FSTL5: variants seen among roughly 807,000 people sequenced by gnomAD.
The protein encoded by FSTL5 is follistatin-related protein 5.
FSTL5 carries 62 observed loss-of-function variants against 89.1 expected under a neutral mutation model. The ratio of observed to expected loss-of-function variants is 0.70; its 90% CI spans 0.57 to 0.86. FSTL5 has a LOEUF of 0.86. Among genes scored for constraint, FSTL5 ranks in the 40% least tolerant of loss-of-function variants. FSTL5 has a pLI of 0.00. For missense variants in FSTL5, 1,057 were observed against 1,001.6 expected, an observed-to-expected ratio of 1.06 and a Z score of -0.75; for synonymous variants, 383 against 346.2, an observed-to-expected ratio of 1.11 and a Z score of -1.18.
intron 2 of FSTL5, among the ~76,000 whole-genome samples, chr4:162,059,710 T>G (rs1241968117): frequency 6.6e-6 from 1 of 152,130 alleles, no homozygotes; most frequent in East Asian, 1.9e-4. Flanking sequence ...TAGCATAATC[T>G]ATAACTCATA....
At chr4:162,073,839 G>T (rs1235035265) in intron 2 of FSTL5, among the ~76,000 whole-genome samples, 1 of 151,676 alleles carries the variant, frequency 6.6e-6, no homozygotes, top group Admixed American at 6.6e-5. Context: ...GTTCACAGGT[G>T]ATTCCCACAG....
At chr4:161,434,165 G>C (rs1179664471) in intron 15 of FSTL5, among the ~76,000 whole-genome samples, 1 of 151,986 alleles carries the variant, frequency 6.6e-6, no homozygotes, top group Non-Finnish European at 1.5e-5. Context: ...CTACAGTGCT[G>C]TAGTAACCAA....
intron 2 of FSTL5, among the ~76,000 whole-genome samples, chr4:162,065,063 G>A (rs1245436875): frequency 6.6e-6 from 1 of 151,896 alleles, no homozygotes; most frequent in Admixed American, 6.6e-5. Flanking sequence ...GCAAAAGAAT[G>A]AAATTAGGCC....
intron 6 of FSTL5, among the ~76,000 whole-genome samples, chr4:161,709,246 T>C (rs892031540): frequency 7.2e-5 from 11 of 152,124 alleles, no homozygotes; most frequent in Non-Finnish European, 1.6e-4. Flanking sequence ...ACTTAACATA[T>C]ATCACATAAA....
intron 6 of FSTL5, among the ~76,000 whole-genome samples, chr4:161,658,262 G>A (rs956393598): frequency 1.3e-5 from 2 of 151,518 alleles, no homozygotes; most frequent in Non-Finnish European, 1.5e-5. Context: ...TGAGGAGTTC[G>A]AGCCTGGCCA....
intron 6 of FSTL5, among the ~76,000 whole-genome samples, chr4:161,733,262 TG>T (rs1739678742): frequency 6.6e-6 from 1 of 151,868 alleles, no homozygotes; most frequent in African/African-American, 2.4e-5. Flanking sequence ...TTTGTGCTCT[TG>T]TTTGTAATTT....
intron 8 of FSTL5, among the ~76,000 whole-genome samples, chr4:161,580,839 C>T (rs11944193): frequency 0.3 from 45,261 of 151,994 alleles, 7,203 homozygotes; most frequent in Non-Finnish European, 0.35. Context: ...ACTAAACTAA[C>T]TAATAAGTAA....
At chr4:161,838,146 T>C (rs1356180915) in intron 4 of FSTL5, among the ~76,000 whole-genome samples, 1 of 152,094 alleles carries the variant, frequency 6.6e-6, no homozygotes, top group Admixed American at 6.6e-5. Flanking sequence ...AAAACTCAAC[T>C]AAAGCAAAAT....
At chr4:161,776,738 A>T (rs1741425939) in intron 4 of FSTL5, among the ~76,000 whole-genome samples, 1 of 151,794 alleles carries the variant, frequency 6.6e-6, no homozygotes, top group Admixed American at 6.6e-5. Context: ...ATGTACATAA[A>T]TATGTACATA....
At chr4:161,833,239 TGA>T (rs1730909019) in intron 4 of FSTL5, among the ~76,000 whole-genome samples, 1 of 151,988 alleles carries the variant, frequency 6.6e-6, no homozygotes, top group Non-Finnish European at 1.5e-5. Context: ...CACTGTGGTC[TGA>T]GAGACAGTTT....
At chr4:161,682,475 C>T (rs954881745) in intron 6 of FSTL5, among the ~76,000 whole-genome samples, 1 of 152,082 alleles carries the variant, frequency 6.6e-6, no homozygotes, top group East Asian at 1.9e-4. Context: ...ATATCTTTAA[C>T]CTATAAGCAT....
At chr4:162,111,223 G>A (rs1324880453) in intron 2 of FSTL5, 48 bp downstream of exon 2, 3 of 1,449,364 alleles carry the variant, frequency 2.1e-6, no homozygotes, top group Non-Finnish European at 1.9e-6. Context: ...TAATAGCTTA[G>A]TTTATAATTG....
At chr4:161,600,665 A>C (rs1463453594) in intron 7 of FSTL5, among the ~76,000 whole-genome samples, 1 of 152,210 alleles carries the variant, frequency 6.6e-6, no homozygotes, top group Non-Finnish European at 1.5e-5. Flanking sequence ...TAGATTTTAA[A>C]CTATATTAGT....
At chr4:161,872,253 G>C (rs1262925797) in intron 4 of FSTL5, among the ~76,000 whole-genome samples, 1 of 148,854 alleles carries the variant, frequency 6.7e-6, no homozygotes, top group Non-Finnish European at 1.5e-5. Flanking sequence ...TTATAGGCAT[G>C]AGCCATTGTG....
At chr4:161,844,723 A>G (rs934256689) in intron 4 of FSTL5, among the ~76,000 whole-genome samples, 3 of 152,150 alleles carry the variant, frequency 2.0e-5, no homozygotes, top group African/African-American at 7.2e-5. Flanking sequence ...CTCACTCTTA[A>G]GTGGGAGTTG....
At chr4:162,051,243 A>T (rs1237088178) in intron 2 of FSTL5, among the ~76,000 whole-genome samples, 1 of 151,552 alleles carries the variant, frequency 6.6e-6, no homozygotes, top group Non-Finnish European at 1.5e-5. Flanking sequence ...ATAGAACAGG[A>T]AGATATAAGC....
chr4:161,701,919 T>C, intron 6 of FSTL5, among the ~76,000 whole-genome samples: 1 of 152,144 alleles, frequency 6.6e-6, no homozygotes. Flanking sequence ...TTCCATGTAT[T>C]ACCTACATAC....
rs180947880 is a variant in FSTL5 at position 161,408,953 on chromosome 4, T to C, written c.1842-22504A>G. Among the ~76,000 whole-genome samples the C allele has an allele frequency of 7.2e-5, 11 of 152,332 alleles. No individual in the cohort carries two copies. The East Asian group carries it at 2.1e-3, about 29-fold the overall frequency. On this transcript the variant is annotated intron_variant, in intron 15 of 15. Transcript: ENST00000306100. The stretch of plus-strand genomic sequence containing the variant: ...CATATCCATGACACATCAGCATTCT[T>C]GAGAGAATAGGAGAAAGAATAAATA...
At chr4:161,542,753 C>A in intron 8 of FSTL5, 60 bp from the exon 9 acceptor site, 1 of 1,161,744 alleles carries the variant, frequency 8.6e-7, no homozygotes. Flanking sequence ...TTTAATTTTC[C>A]AAAAGAAAAA....
Sources: gnomAD v4.1 joint callset for allele counts (sites outside exome capture counted in the v4.1 genomes callset) on GRCh38, gnomAD v4.1.1 for gene constraint, MANE v1.5 for transcripts, NCBI Gene and HGNC (gene_info 2026-07-23, HGNC 2026-07-21) for gene names.